The following FBXL2 variants were observed in gnomAD, a reference collection of about 807,000 sequenced individuals.
The protein encoded by FBXL2 is F-box/LRR-repeat protein 2.
In FBXL2, 38 loss-of-function variants were observed where a neutral mutation model predicts 69.2. The observed-to-expected ratio is 0.55, with a 90% CI of 0.42 to 0.72. The LOEUF (loss-of-function observed/expected upper bound fraction) is 0.72, where lower values mean the gene tolerates loss of function less well. Ranked by LOEUF, FBXL2 falls within the 30% of genes least tolerant of loss-of-function variation. FBXL2 has a pLI of 0.00. For synonymous variants in FBXL2, 192 were observed against 201.3 expected, an observed-to-expected ratio of 0.95 and a Z score of 0.39; for missense variants, 354 against 520.3, an observed-to-expected ratio of 0.68 and a Z score of 3.11.
chr3:33,316,898 C>G (rs113793627), intron 2 of FBXL2, among the ~76,000 whole-genome samples: 6,876 of 151,918 alleles, frequency 0.045, 195 homozygotes, highest in South Asian at 0.081. Context: ...CTCTGTTTTT[C>G]TTTTTTCTTC....
At chr3:33,292,191 C>A (rs946094761) in intron 1 of FBXL2, among the ~76,000 whole-genome samples, 5 of 152,086 alleles carry the variant, frequency 3.3e-5, no homozygotes, top group Admixed American at 2.0e-4. Context: ...ACCAGCCTGG[C>A]AAACATGGTG....
chr3:33,338,134 A>G (rs538864583), intron 2 of FBXL2, among the ~76,000 whole-genome samples: 2 of 152,308 alleles, frequency 1.3e-5, no homozygotes, highest in African/African-American at 4.8e-5. Flanking sequence ...ATGTGGGGCC[A>G]GGCATGGTGG....
the FBXL2 span, among the ~76,000 whole-genome samples, chr3:33,422,455 G>A: frequency 2.0e-5 from 3 of 152,182 alleles, no homozygotes; most frequent in South Asian, 2.1e-4. Context: ...AGTGGTTCAC[G>A]CCTATAATCC....
At chr3:33,358,676 A>G (rs1353669371) in intron 2 of FBXL2, among the ~76,000 whole-genome samples, 1 of 152,232 alleles carries the variant, frequency 6.6e-6, no homozygotes, top group African/African-American at 2.4e-5. Context: ...TTGGTCTTCA[A>G]ATAGAACCAG....
chr3:33,382,317 C>T (rs1200885668), intron 13 of FBXL2, among the ~76,000 whole-genome samples: 2 of 152,146 alleles, frequency 1.3e-5, no homozygotes, highest in African/African-American at 2.4e-5. Flanking sequence ...TAGATCAATG[C>T]ATTTCCATAA....
chr3:33,317,486 C>G (rs2037810975), intron 2 of FBXL2: 2 of 456,526 alleles, frequency 4.4e-6, no homozygotes, highest in Non-Finnish European at 8.8e-6. Context: ...GGAGCAGGGA[C>G]AGGATAACAA....
At chr3:33,404,362 A>G (rs531317979), downstream of FBXL2, among the ~76,000 whole-genome samples, 1 of 152,180 alleles carries the variant, frequency 6.6e-6, no homozygotes, top group South Asian at 2.1e-4. Flanking sequence ...CAGTGAGCCG[A>G]GATCGTGCCA....
chr3:33,358,301 G>T (rs1382768141), intron 2 of FBXL2, among the ~76,000 whole-genome samples: 3 of 152,210 alleles, frequency 2.0e-5, no homozygotes, highest in Non-Finnish European at 4.4e-5. Flanking sequence ...ATGAGCAGCA[G>T]CTCCTCTCCT....
chr3:33,409,542 G>C, the FBXL2 span: 1 of 1,614,126 alleles, frequency 6.2e-7, no homozygotes, highest in Non-Finnish European at 8.5e-7. Flanking sequence ...GGATCCTAAA[G>C]GGCACTCCCT....
chr3:33,330,993 T>C (rs576577734), intron 2 of FBXL2, among the ~76,000 whole-genome samples: 43 of 150,856 alleles, frequency 2.9e-4, no homozygotes, highest in African/African-American at 1.0e-3. Flanking sequence ...ATATATAATA[T>C]ATATATCTTA....
Position 33,375,465 on chromosome 3 carries a change from T to C in FBXL2, c.788+47T>C, listed in dbSNP as rs1477900236. 3.8e-6 allele frequency: 6 copies of C among 1,596,030 alleles called. No individual in the cohort carries two copies. In the Admixed American group the frequency reaches 1.0e-4, roughly 27 times the overall value. ...CTTTGCAGCTCAGAGTTTGGCTGAG[T>C]TAACCAAGAGGGCTTCCTTCAGGAG... On this transcript the variant is annotated intron_variant, in intron 10 of 14. Transcript: ENST00000484457.
intron 12 of FBXL2, 143 bp downstream of exon 12, chr3:33,378,290 G>T: frequency 1.2e-6 from 1 of 823,976 alleles, no homozygotes; most frequent in Non-Finnish European, 2.0e-6. Flanking sequence ...ACCTGTGAAG[G>T]CCATGGCAGT....
chr3:33,393,706 GGACAAAAA>G (rs1454603594), intron 12 of FBXL2, among the ~76,000 whole-genome samples: 1 of 151,896 alleles, frequency 6.6e-6, no homozygotes, highest in Non-Finnish European at 1.5e-5. Flanking sequence ...AGAAATCCCT[GGACAAAAA>G]GATTTGAGGT....
At position 33,326,751 on chromosome 3, in the gene FBXL2, C is replaced by G. The variant is rs114365072; in HGVS notation, c.65+29026C>G. The stretch of plus-strand genomic sequence containing the variant: ...CTTCCATATCCAAACTTCAAAGACT[C>G]TAGATGTTTTCACAAAAGAATTGAG... On this transcript the variant is annotated intron_variant, in intron 2 of 14. Transcript: ENST00000484457. 1.7e-3 allele frequency among the ~76,000 whole-genome samples: 259 copies of G among 152,214 alleles called. 1 individual carries two copies. Among genetic ancestry groups the G allele is most frequent in the Non-Finnish European group, 3.1e-3 (210 of 68,016 alleles).
rs113277485 is a variant in FBXL2 at position 33,288,325 on chromosome 3, T to C, written c.4-9339T>C. On this transcript the variant is annotated intron_variant, in intron 1 of 14. Coordinates refer to ENST00000484457, the MANE Select transcript of FBXL2 (RefSeq NM_012157.5). ...GTGTGCTAGTGACTGTTCTAGTCAG[T>C]GGATATCCAGCAGTGCGCAAACCGA... 7.2e-4 allele frequency among the ~76,000 whole-genome samples: 110 copies of C among 152,316 alleles called. 1 individual carries two copies. Among genetic ancestry groups the C allele is most frequent in the African/African-American group, 2.0e-3 (82 of 41,562 alleles).
chr3:33,277,198 ATCC>A, upstream of FBXL2: 1 of 362,964 alleles, frequency 2.8e-6, no homozygotes, highest in East Asian at 4.0e-5. Flanking sequence ...AAAAAAAAAA[ATCC>A]ATGGTCTCTT....
chr3:33,413,566 C>CT, the FBXL2 span, among the ~76,000 whole-genome samples: 4 of 139,612 alleles, frequency 2.9e-5, no homozygotes, highest in Admixed American at 7.3e-5. Flanking sequence ...AAAAAAAAAA[C>CT]TTTGAGTTTT....
Position 33,373,602 on chromosome 3 carries a change from C to T in FBXL2, c.480C>T (p.Tyr160=). The change falls in exon 8 of 15, where the codon TAC becomes TAT. Residue 160 remains tyrosine, a synonymous_variant. Coordinates refer to ENST00000484457, the MANE Select transcript of FBXL2 (RefSeq NM_012157.5). ...GISEGCRNLE[Y]LNLSWCDQIT... ...GTGAGGGCTGCCGAAACCTGGAGTACCTGAACCTCTCTTGGTGTGATCAGA... is the reference window on the plus strand; with the variant it reads ...GTGAGGGCTGCCGAAACCTGGAGTATCTGAACCTCTCTTGGTGTGATCAGA... 1 of 1,614,160 alleles carries T rather than the reference C, an allele frequency of 6.2e-7. No homozygotes were observed. The highest frequency in any genetic ancestry group is 8.5e-7 in the Non-Finnish European group (1 of 1,180,032).
At chr3:33,310,404 C>A (rs989672774) in intron 2 of FBXL2, among the ~76,000 whole-genome samples, 5 of 152,174 alleles carry the variant, frequency 3.3e-5, no homozygotes, top group Non-Finnish European at 5.9e-5. Flanking sequence ...CTGCCCACCT[C>A]AGCCTCCCAA....
Sources: allele counts gnomAD v4.1 joint callset (sites outside exome capture counted in the v4.1 genomes callset), GRCh38; gene constraint gnomAD v4.1.1; transcripts MANE v1.5; gene names NCBI Gene and HGNC (gene_info 2026-07-23, HGNC 2026-07-21).